ATAD2B: variants seen among roughly 807,000 people sequenced by gnomAD.
ATAD2B encodes ATPase family AAA domain-containing protein 2B.
A neutral mutation model predicts 167.6 loss-of-function variants in ATAD2B; 40 were observed. That is an observed-to-expected ratio of 0.24 (90% CI 0.19 to 0.31). ATAD2B has a LOEUF of 0.31. Among genes scored for constraint, ATAD2B ranks in the 10% least tolerant of loss-of-function variants. ATAD2B has a pLI of 1.00. For missense variants in ATAD2B, 1,242 were observed against 1,757.2 expected, an observed-to-expected ratio of 0.71 and a Z score of 5.24; for synonymous variants, 579 against 596.5, an observed-to-expected ratio of 0.97 and a Z score of 0.43.
downstream of ATAD2B, among the ~76,000 whole-genome samples, chr2:23,748,494 T>C (rs2149283814): frequency 6.6e-6 from 1 of 152,268 alleles, no homozygotes; most frequent in East Asian, 1.9e-4. Flanking sequence ...TAAAAAGCTT[T>C]CAGCTAAAAA....
intron 1 of ATAD2B, among the ~76,000 whole-genome samples, chr2:23,917,684 C>T (rs955838797): frequency 7.2e-5 from 11 of 151,872 alleles, no homozygotes; most frequent in South Asian, 2.1e-4. Flanking sequence ...CCCAGCTACT[C>T]GGCAGGCTGA....
chr2:23,892,368 G>A (rs1699641382), intron 2 of ATAD2B, among the ~76,000 whole-genome samples: 1 of 151,950 alleles, frequency 6.6e-6, no homozygotes, highest in Admixed American at 6.5e-5. Flanking sequence ...GTTTCACCGT[G>A]TTAGCCAGGA....
intron 19 of ATAD2B, among the ~76,000 whole-genome samples, chr2:23,793,511 C>A (rs553096752): frequency 6.6e-6 from 1 of 152,234 alleles, no homozygotes; most frequent in East Asian, 1.9e-4. Context: ...AAATAAAATT[C>A]TCCAAGTATC....
chr2:23,914,657 G>A (rs1702778014), intron 1 of ATAD2B, among the ~76,000 whole-genome samples: 1 of 151,788 alleles, frequency 6.6e-6, no homozygotes, highest in Non-Finnish European at 1.5e-5. Flanking sequence ...GGCTAACACA[G>A]CGAAACCCCG....
At position 23,851,268 on chromosome 2, in the gene ATAD2B, C is replaced by G. The variant is rs1484810725; in HGVS notation, c.1568+6147G>C. Among the ~76,000 whole-genome samples the G allele has an allele frequency of 1.3e-5, 2 of 152,152 alleles. 1 individual carries two copies. Among genetic ancestry groups the G allele is most frequent in the South Asian group, 4.1e-4 (2 of 4,828 alleles). On this transcript the variant is annotated intron_variant, in intron 13 of 27. Coordinates refer to ENST00000238789, the MANE Select transcript of ATAD2B (RefSeq NM_017552.4). ...TCAAGTGATCCTCTCACGTCAGCCT[C>G]CCAAGTAGCTAGGACGAGAGGCACA...
At chr2:23,767,897 CAAAAAACAAACA>C (rs944205912) in intron 22 of ATAD2B, among the ~76,000 whole-genome samples, 6 of 139,128 alleles carry the variant, frequency 4.3e-5, no homozygotes, top group African/African-American at 1.1e-4. Flanking sequence ...CAAAAACAAA[CAAAAAACAAACA>C]AAAAAAAAAA....
intron 8 of ATAD2B, among the ~76,000 whole-genome samples, 197 bp from the exon 9 acceptor site, chr2:23,869,958 C>T (rs1695676892): frequency 6.6e-6 from 1 of 151,882 alleles, no homozygotes; most frequent in Non-Finnish European, 1.5e-5. Context: ...GCCTGTAATC[C>T]CAGCACTTTG....
Position 23,845,570 on chromosome 2 carries a change from ATTTTTT to A in ATAD2B, c.1569-11498_1569-11493del, listed in dbSNP as rs71402518. Among the ~76,000 whole-genome samples the A allele has an allele frequency of 1.5e-4, 13 of 87,678 alleles. No individual in the cohort carries two copies. In the South Asian group the frequency reaches 2.2e-3, roughly 15 times the overall value. 57.5% of individuals were successfully genotyped at this position (87,678 alleles called of 152,430 possible). ...ATTTACTGTAAATGGGCATGCTGGAATTTTTTTTTTTTTTTTTTTTTTTTTTTGAGA... is the reference window on the plus strand; with the variant it reads ...ATTTACTGTAAATGGGCATGCTGGAATTTTTTTTTTTTTTTTTTTTTGAGA... On this transcript the variant is annotated intron_variant, in intron 13 of 27. Coordinates refer to ENST00000238789, the MANE Select transcript of ATAD2B (RefSeq NM_017552.4).
intron 8 of ATAD2B, among the ~76,000 whole-genome samples, chr2:23,871,745 C>T (rs1052188866): frequency 7.2e-5 from 11 of 152,232 alleles, no homozygotes; most frequent in African/African-American, 2.7e-4. Flanking sequence ...CCACATGTCC[C>T]ATTAGCAACC....
At chr2:23,794,687 C>G (rs569190858) in intron 19 of ATAD2B, among the ~76,000 whole-genome samples, 8 of 152,116 alleles carry the variant, frequency 5.3e-5, no homozygotes, top group African/African-American at 1.9e-4. Context: ...ACCATATACA[C>G]ATGAAATATA....
chr2:23,809,556 A>G (rs1164664857), intron 18 of ATAD2B, among the ~76,000 whole-genome samples: 1 of 152,196 alleles, frequency 6.6e-6, no homozygotes, highest in Non-Finnish European at 1.5e-5. Flanking sequence ...CCAGTTATTT[A>G]ACTCTAAAAG....
At chr2:23,760,751 T>TATACACACACACACACATAC (rs1553373395) in intron 24 of ATAD2B, among the ~76,000 whole-genome samples, 3 of 100,380 alleles carry the variant, frequency 3.0e-5, no homozygotes, top group Non-Finnish European at 4.3e-5. Flanking sequence ...CACACACACA[T>TATACACACACACACACATAC]ACACACACAC....
At chr2:23,700,759 C>T in the ATAD2B span, among the ~76,000 whole-genome samples, 188 of 152,266 alleles carry the variant, frequency 1.2e-3, 1 homozygote, top group African/African-American at 4.3e-3. This position sits in a 1 kb window ranked among gnomAD's most constrained non-coding sequence, Gnocchi z 4.6. Flanking sequence ...CCTCTTGTTC[C>T]GGTTGAAGTG....
intron 8 of ATAD2B, among the ~76,000 whole-genome samples, chr2:23,870,285 C>CTT (rs5829912): frequency 0.08 from 8,413 of 105,540 alleles, 688 homozygotes; most frequent in South Asian, 0.12. Context: ...CAGTAACCAA[C>CTT]TTTTTTTTTT....
At chr2:23,916,721 A>C (rs1703088522) in intron 1 of ATAD2B, among the ~76,000 whole-genome samples, 1 of 152,202 alleles carries the variant, frequency 6.6e-6, no homozygotes, top group Non-Finnish European at 1.5e-5. Flanking sequence ...AGGAGACAAG[A>C]ACGGGTATAA....
chr2:23,770,918 C>G (rs1245395105), intron 22 of ATAD2B, among the ~76,000 whole-genome samples: 2 of 152,148 alleles, frequency 1.3e-5, no homozygotes, highest in Non-Finnish European at 2.9e-5. Flanking sequence ...GTGGTTCAAT[C>G]TGGAGAGAAA....
At chr2:23,885,122 G>A (rs1299839650) in intron 5 of ATAD2B, among the ~76,000 whole-genome samples, 1 of 152,142 alleles carries the variant, frequency 6.6e-6, no homozygotes, top group Non-Finnish European at 1.5e-5. Context: ...GCAAATTACA[G>A]CCTAGTAGGA....
intron 15 of ATAD2B, among the ~76,000 whole-genome samples, chr2:23,827,433 GTAGACAGTATAA>G (rs1688422120): frequency 6.6e-6 from 1 of 152,126 alleles, no homozygotes; most frequent in Non-Finnish European, 1.5e-5. Context: ...ATTTCAGATG[GTAGACAGTATAA>G]TAGAAAGTAA....
intron 22 of ATAD2B, among the ~76,000 whole-genome samples, chr2:23,768,648 C>A (rs993290713): frequency 1.3e-5 from 2 of 151,930 alleles, no homozygotes; most frequent in African/African-American, 4.8e-5. Context: ...CTCCCTTCAC[C>A]CTTCCTCACA....
Sources: gnomAD v4.1 joint callset for allele counts (sites outside exome capture counted in the v4.1 genomes callset) on GRCh38, gnomAD v4.1.1 for gene constraint, Gnocchi (gnomAD v3.1) non-coding constraint, MANE v1.5 for transcripts, NCBI Gene and HGNC (gene_info 2026-07-23, HGNC 2026-07-21) for gene names.